Variants in FBXW7 observed in about 807,000 individuals in gnomAD.
The protein encoded by FBXW7 is F-box/WD repeat-containing protein 7.
A neutral mutation model predicts 86.3 loss-of-function variants in FBXW7; 11 were observed. The ratio of observed to expected loss-of-function variants is 0.13; its 90% CI spans 0.08 to 0.21. The LOEUF is 0.21. FBXW7 is among the 10% of genes least tolerant of loss of function. FBXW7 has a pLI of 1.00. For synonymous variants in FBXW7, 313 were observed against 297.9 expected (o/e 1.05, Z -0.52); for missense variants, 488 against 847.4 (o/e 0.58, Z 5.27).
intron 4 of FBXW7, among the ~76,000 whole-genome samples, chr4:152,374,376 A>G (rs752274233): frequency 6.6e-6 from 1 of 152,094 alleles, no homozygotes; most frequent in Non-Finnish European, 1.5e-5. Flanking sequence ...CAAAATTAGT[A>G]CATAGTAATT....
At position 152,522,159 on chromosome 4, in the gene FBXW7, G is replaced by A. The variant is rs1201923417; in HGVS notation, c.-120+12782C>T. On this transcript the variant is annotated intron_variant, in intron 2 of 13. Transcript: ENST00000281708. ...GATCATTCCATTTACCTTGATACTT[G>A]TTTTTTAAGTGTACGTTTGACTTTA... Among the ~76,000 whole-genome samples, 4 of 152,000 alleles carry A rather than the reference G, an allele frequency of 2.6e-5. No individual in the cohort carries two copies. The East Asian group carries it at 7.7e-4, about 29-fold the overall frequency.
At chr4:152,337,060 A>G (rs1392167182) in intron 7 of FBXW7, among the ~76,000 whole-genome samples, 2 of 151,990 alleles carry the variant, frequency 1.3e-5, no homozygotes, top group Non-Finnish European at 2.9e-5. Flanking sequence ...CTGTTCACTG[A>G]CAAAATTACT....
Position 152,535,379 on chromosome 4 carries a change from A to C in FBXW7, c.-465T>G. 4 of 368,190 alleles carry C rather than the reference A, an allele frequency of 1.1e-5. No individual in the cohort carries two copies. The highest frequency in any genetic ancestry group is 2.1e-5 in the African/African-American group (1 of 47,500). The allele number at this position is 368,190 out of a possible 1,614,324, so 22.8% of individuals were successfully genotyped here. ...CGGGGGGCCGGCGACTGGCCAAGGG[A>C]GAAGACCCCCGGAGGGGGCTGAGGG... On this transcript the variant is annotated 5_prime_UTR_variant, in exon 1 of 14. Transcript: ENST00000281708.
In FBXW7 at chr4:152,323,000, C is replaced by G. The variant is rs2126462001; in HGVS notation, c.2005G>C (p.Gly669Arg). 6.2e-7 allele frequency: 1 copy of G among 1,613,838 alleles called. No individual in the cohort carries two copies. The highest frequency in any genetic ancestry group is 1.3e-5 in the African/African-American group (1 of 74,996). The change falls in exon 14 of 14, where the codon GGG (glycine) becomes CGG (arginine). Residue 669 changes from glycine (G) to arginine (R), a missense_variant. Gly to Arg is a moderately radical substitution (Grantham distance 125, BLOSUM62 -2). Transcript: ENST00000281708. ...GCTCTGATCCGCCACACAACTCCCC[C>G]ACTCCCCCCACTCTCCAATGTGACT... ...NLVTLESGGS[G>R]GVVWRIRASN... is the part of the protein sequence containing the mutation.
chr4:152,386,321 T>G (rs556703073), intron 4 of FBXW7, among the ~76,000 whole-genome samples: 1 of 152,188 alleles, frequency 6.6e-6, no homozygotes, highest in Admixed American at 6.5e-5. Flanking sequence ...ATGACCTTAA[T>G]TTAATTCGTG....
At chr4:152,429,952 G>A (rs531528001) in intron 2 of FBXW7, among the ~76,000 whole-genome samples, 4 of 152,162 alleles carry the variant, frequency 2.6e-5, no homozygotes, top group South Asian at 2.1e-4. Context: ...AAAAAAGAAG[G>A]CATATTTTAT....
At chr4:152,348,689 A>G in intron 5 of FBXW7, 3 of 1,162,314 alleles carry the variant, frequency 2.6e-6, no homozygotes, top group South Asian at 1.4e-5. Context: ...TCCTGGTATC[A>G]GCCATATTAA....
In FBXW7 at chr4:152,323,961, C is replaced by G. The variant is rs555314923; in HGVS notation, c.1855+223G>C. 35 of 508,164 alleles carry G rather than the reference C, an allele frequency of 6.9e-5. 1 individual carries two copies. The East Asian group carries it at 8.5e-4, about 12-fold the overall frequency. The allele number at this position is 508,164 out of a possible 1,614,324, so 31.5% of individuals were successfully genotyped here. A position where few individuals can be genotyped will look rare whatever the true frequency, so the allele number is the denominator to read the frequency against. ...GGTTAAGTAGAGTCAATTGAACATG[C>G]AGGAAGTGATTAAACAATTTTATAT... On this transcript the variant is annotated intron_variant, in intron 13 of 13. Transcript: ENST00000281708.
rs988428685 is a variant in FBXW7 at position 152,321,130 on chromosome 4, G to C, written c.*1751C>G. On this transcript the variant is annotated 3_prime_UTR_variant, in exon 14 of 14. Transcript: ENST00000281708. Reference sequence around the variant, plus strand: ...TACTTTCGCGGTATAAAACAGGCTTGAAGTATTGATTTCTATGTCACACAG... The same window carrying C: ...TACTTTCGCGGTATAAAACAGGCTTCAAGTATTGATTTCTATGTCACACAG... 1.0e-5 allele frequency: 2 copies of C among 198,768 alleles called. No individual in the cohort carries two copies. Among genetic ancestry groups the C allele is most frequent in the Non-Finnish European group, 2.1e-5 (2 of 96,150 alleles). The allele number at this position is 198,768 out of a possible 1,614,324, so 12.3% of individuals were successfully genotyped here.
At position 152,371,982 on chromosome 4, in the gene FBXW7, T is replaced by C. The variant is rs1180525962; in HGVS notation, c.502-21858A>G. Among the ~76,000 whole-genome samples, 4 of 151,922 alleles carry C rather than the reference T, an allele frequency of 2.6e-5. No homozygotes were observed. In the East Asian group the frequency reaches 5.8e-4, roughly 22 times the overall value. Reference sequence around the variant, plus strand: ...ACACACAGAGAGTATGCATACTATATATCAGCAGATTAAAATTAATTTTGT... The same window carrying C: ...ACACACAGAGAGTATGCATACTATACATCAGCAGATTAAAATTAATTTTGT... On this transcript the variant is annotated intron_variant, in intron 4 of 13. Transcript: ENST00000281708.
intron 2 of FBXW7, among the ~76,000 whole-genome samples, chr4:152,430,502 A>G (rs115079706): frequency 0.01 from 1,557 of 152,088 alleles, 17 homozygotes; most frequent in East Asian, 0.042. Flanking sequence ...TAAGAAAATC[A>G]TGATATTTCT....
chr4:152,528,166 A>G (rs1340177540), intron 2 of FBXW7, among the ~76,000 whole-genome samples: 1 of 152,198 alleles, frequency 6.6e-6, no homozygotes, highest in Non-Finnish European at 1.5e-5. Context: ...AGGTACACAG[A>G]CAGACAGAAA....
At chr4:152,482,093 T>G (rs1744932739) in intron 2 of FBXW7, among the ~76,000 whole-genome samples, 1 of 152,180 alleles carries the variant, frequency 6.6e-6, no homozygotes, top group African/African-American at 2.4e-5. Context: ...CATTGCTGTC[T>G]TATTTTTAAA....
intron 2 of FBXW7, among the ~76,000 whole-genome samples, chr4:152,442,468 T>C (rs935435413): frequency 6.6e-6 from 1 of 152,264 alleles, no homozygotes; most frequent in African/African-American, 2.4e-5. Context: ...CATACCTATG[T>C]TCTGAAATAC....
At chr4:152,332,055 TTA>T (rs1729611886) in intron 8 of FBXW7, among the ~76,000 whole-genome samples, 1 of 152,044 alleles carries the variant, frequency 6.6e-6, no homozygotes, top group African/African-American at 2.4e-5. Context: ...CATAGTATTT[TTA>T]TATTTTTTCA....
chr4:152,443,481 G>A (rs1044000390), intron 2 of FBXW7, among the ~76,000 whole-genome samples: 3 of 152,012 alleles, frequency 2.0e-5, no homozygotes, highest in Admixed American at 6.6e-5. Context: ...GAGTTTTATC[G>A]ATCAGTTAAA....
chr4:152,325,331 G>A (rs1165313294), intron 12 of FBXW7: 1 of 151,834 alleles, frequency 6.6e-6, no homozygotes, highest in Non-Finnish European at 1.5e-5. Flanking sequence ...GGTAATAACT[G>A]GTAAATAAAC....
intron 2 of FBXW7, among the ~76,000 whole-genome samples, chr4:152,416,080 C>T (rs1303813719): frequency 6.6e-6 from 1 of 152,114 alleles, no homozygotes; most frequent in Non-Finnish European, 1.5e-5. Flanking sequence ...CCTTCCCACA[C>T]TAGAATTTAA....
intron 2 of FBXW7, among the ~76,000 whole-genome samples, chr4:152,437,593 T>TA (rs1355260405): frequency 6.6e-6 from 1 of 152,218 alleles, no homozygotes; most frequent in Non-Finnish European, 1.5e-5. Context: ...ACTTAATTGA[T>TA]AAACCAGCGG....
Sources: allele counts gnomAD v4.1 joint callset (sites outside exome capture counted in the v4.1 genomes callset), GRCh38; gene constraint gnomAD v4.1.1; transcripts MANE v1.5; gene names NCBI Gene and HGNC (gene_info 2026-07-23, HGNC 2026-07-21).